Variants in NCOA3 observed in about 807,000 individuals in gnomAD.
NCOA3 encodes the protein nuclear receptor coactivator 3.
In NCOA3, 51 loss-of-function variants were observed where a neutral mutation model predicts 158.8. That is an observed-to-expected ratio of 0.32 (90% confidence interval 0.26 to 0.41). The LOEUF (loss-of-function observed/expected upper bound fraction) is 0.41. Ranked by LOEUF, NCOA3 falls within the 10% of genes least tolerant of loss-of-function variation. The probability of loss-of-function intolerance (pLI) is 1.00; values close to 1 mark genes in which losing one functional copy is unlikely to be tolerated. For missense variants in NCOA3, 1,510 were observed against 1,746.6 expected (o/e 0.86, Z 2.41); for synonymous variants, 537 against 592.4 (o/e 0.91, Z 1.36).
intron 1 of NCOA3, among the ~76,000 whole-genome samples, chr20:47,525,474 C>T (rs1018116438): frequency 3.1e-4 from 46 of 150,772 alleles, no homozygotes; most frequent in African/African-American, 1.1e-3. Context: ...GGGTGGTGGC[C>T]GGGCAGAGGG....
At chr20:47,579,066 C>G (rs2085413838) in intron 1 of NCOA3, among the ~76,000 whole-genome samples, 1 of 152,170 alleles carries the variant, frequency 6.6e-6, no homozygotes, top group South Asian at 2.1e-4. Flanking sequence ...TCTTCTCAGA[C>G]TAGCTATTAA....
chr20:47,635,361 A>T lies in NCOA3; in HGVS notation c.1152A>T (p.Gly384=), dbSNP rs1234606305. 6.2e-7 allele frequency: 1 copy of T among 1,608,558 alleles called. No individual in the cohort carries two copies. The highest frequency in any genetic ancestry group is 2.2e-5 in the East Asian group (1 of 44,672). The change falls in exon 11 of 23, where the codon GGA becomes GGT. Residue 384 remains glycine (G), a synonymous_variant. Transcript: ENST00000371998. ...NGYRPNPNPV[G]QGIRPPMAGC... ...ATAGACCAAACCCAAATCCTGTTGG[A>T]CAAGGGATTAGACCACCTATGGCTG...
intron 1 of NCOA3, among the ~76,000 whole-genome samples, chr20:47,528,923 C>T (rs1008542235): frequency 6.6e-6 from 1 of 151,988 alleles, no homozygotes; most frequent in Non-Finnish European, 1.5e-5. Context: ...ACAGCCACCA[C>T]GTCCAGCTAA....
At chr20:47,653,321 A>T in intron 22 of NCOA3, 85 bp from the exon 23 acceptor site, 1 of 1,498,364 alleles carries the variant, frequency 6.7e-7, no homozygotes, top group African/African-American at 1.4e-5. Flanking sequence ...TAAGCCATGA[A>T]TGTGGACATG....
chr20:47,582,918 C>T (rs2085476911), intron 1 of NCOA3, among the ~76,000 whole-genome samples: 1 of 152,206 alleles, frequency 6.6e-6, no homozygotes, highest in Non-Finnish European at 1.5e-5. Flanking sequence ...CTTCAACCTC[C>T]TGAGTAGTTG....
At chr20:47,573,977 T>C (rs754317916) in intron 1 of NCOA3, among the ~76,000 whole-genome samples, 3 of 151,082 alleles carry the variant, frequency 2.0e-5, no homozygotes, top group Non-Finnish European at 4.4e-5. Context: ...ATTCAAGGGG[T>C]CAGTTTGTTT....
rs761966879 is a variant in NCOA3 at position 47,625,362 on chromosome 20, C to A, written c.257-19C>A. The A allele has an allele frequency of 2.0e-6, 3 of 1,537,302 alleles. No homozygotes were observed. Among genetic ancestry groups the A allele is most frequent in the South Asian group, 1.1e-5 (1 of 89,440 alleles). ...AACTGATAGTGTGTTATTCGTTATACCACCTTCTGTCTTTTCAGGAAAAAC... is the reference window on the plus strand; with the variant it reads ...AACTGATAGTGTGTTATTCGTTATAACACCTTCTGTCTTTTCAGGAAAAAC... On this transcript the variant is annotated intron_variant, in intron 4 of 22. Coordinates refer to ENST00000371998, the MANE Select transcript of NCOA3 (RefSeq NM_181659.3).
intron 1 of NCOA3, among the ~76,000 whole-genome samples, chr20:47,561,332 G>C (rs1173169693): frequency 1.5e-5 from 2 of 137,892 alleles, no homozygotes; most frequent in African/African-American, 5.6e-5. Context: ...ACACGGTCTC[G>C]ATCTGTTGCC....
intron 1 of NCOA3, among the ~76,000 whole-genome samples, chr20:47,558,982 A>G (rs189852744): frequency 1.3e-5 from 2 of 152,242 alleles, no homozygotes; most frequent in Admixed American, 1.3e-4. Flanking sequence ...TTTCCGTAAC[A>G]GTGATGGCAT....
chr20:47,533,810 A>G (rs538190890), intron 1 of NCOA3, among the ~76,000 whole-genome samples: 5 of 152,196 alleles, frequency 3.3e-5, no homozygotes, highest in South Asian at 2.1e-4. Context: ...CTGTGGTCCT[A>G]GCTTACTGGG....
intron 1 of NCOA3, among the ~76,000 whole-genome samples, chr20:47,581,971 G>A (rs2085461267): frequency 6.6e-6 from 1 of 151,918 alleles, no homozygotes; most frequent in African/African-American, 2.4e-5. Flanking sequence ...ATAATTTTTG[G>A]ACTAGGGCAT....
intron 2 of NCOA3, among the ~76,000 whole-genome samples, chr20:47,589,063 A>AT (rs937138091): frequency 1.7e-4 from 26 of 149,758 alleles, no homozygotes; most frequent in African/African-American, 4.7e-4. Flanking sequence ...TAATTTTTGT[A>AT]TTTTTTTTTA....
intron 1 of NCOA3, among the ~76,000 whole-genome samples, chr20:47,565,251 G>T (rs939183558): frequency 2.0e-5 from 3 of 152,212 alleles, no homozygotes; most frequent in Admixed American, 2.0e-4. Flanking sequence ...AATGTGCTAG[G>T]ATTACAGGCA....
rs1488334625 is a variant in NCOA3 at position 47,566,790 on chromosome 20, A to G, written c.-98-16393A>G. On this transcript the variant is annotated intron_variant, in intron 1 of 22. Transcript: ENST00000371998. ...CACCCACAGTGTTGAGATTACAGGCATGAGCCACTGCGCCTAGCCCTAATG... is the reference window on the plus strand; with the variant it reads ...CACCCACAGTGTTGAGATTACAGGCGTGAGCCACTGCGCCTAGCCCTAATG... 2.6e-5 allele frequency among the ~76,000 whole-genome samples: 4 copies of G among 152,186 alleles called. No individual in the cohort carries two copies. The South Asian group carries it at 6.2e-4, about 24-fold the overall frequency.
intron 2 of NCOA3, among the ~76,000 whole-genome samples, chr20:47,617,855 G>T (rs992576129): frequency 6.6e-6 from 1 of 152,042 alleles, no homozygotes; most frequent in Non-Finnish European, 1.5e-5. Context: ...AGACATTGTG[G>T]TATCTTATAC....
At position 47,623,942 on chromosome 20, in the gene NCOA3, G is replaced by A; in HGVS notation, c.115G>A (p.Glu39Lys). The change falls in exon 4 of 23, where the codon GAG (glutamate) becomes AAG (lysine). Residue 39 changes from glutamate (E) to lysine (K), a missense_variant. This residue lies in a region of NCOA3 where 309 missense variants were observed against 427.1 expected (regional missense o/e 0.72). Coordinates refer to ENST00000371998, the MANE Select transcript of NCOA3 (RefSeq NM_181659.3). ...LTCSGEKRRR[E>K]QESKYIEELA... ...CTGCAGTGGTGAAAAACGGAGACGG[G>A]AGCAGGAAAGTAAATATATTGAAGA... 1.2e-6 allele frequency: 2 copies of A among 1,613,482 alleles called. No individual in the cohort carries two copies. Among genetic ancestry groups the A allele is most frequent in the Non-Finnish European group, 1.7e-6 (2 of 1,179,890 alleles).
At chr20:47,616,997 C>T (rs571222073) in intron 2 of NCOA3, among the ~76,000 whole-genome samples, 1 of 152,236 alleles carries the variant, frequency 6.6e-6, no homozygotes, top group East Asian at 1.9e-4. Flanking sequence ...CTCTGTCATC[C>T]AGGCTGGAGT....
chr20:47,548,153 G>T (rs1193561689), intron 1 of NCOA3, among the ~76,000 whole-genome samples: 5 of 151,826 alleles, frequency 3.3e-5, no homozygotes, highest in Admixed American at 1.3e-4. Flanking sequence ...TAATATAGAG[G>T]AATTGTGAGT....
At chr20:47,529,382 G>A (rs541157618) in intron 1 of NCOA3, among the ~76,000 whole-genome samples, 2 of 152,028 alleles carry the variant, frequency 1.3e-5, no homozygotes, top group South Asian at 2.1e-4. Context: ...GCCTCCCAAC[G>A]TGCTAGGATT....
Sources: gnomAD v4.1 joint callset for allele counts (sites outside exome capture counted in the v4.1 genomes callset) on GRCh38, gnomAD v4.1.1 for gene constraint, gnomAD v4.1.1 regional missense constraint, MANE v1.5 for transcripts, NCBI Gene and HGNC (gene_info 2026-07-23, HGNC 2026-07-21) for gene names.